The following UBE2G1 variants were observed in gnomAD, a reference collection of about 807,000 sequenced individuals.
UBE2G1 encodes ubiquitin-conjugating enzyme E2 G1.
In UBE2G1, 5 loss-of-function variants were observed where a neutral mutation model predicts 22.7. The observed-to-expected ratio is 0.22, with a 90% CI of 0.12 to 0.46. The LOEUF is 0.46. Among genes scored for constraint, UBE2G1 ranks in the 20% least tolerant of loss-of-function variants. The probability of loss-of-function intolerance (pLI) is 0.99; values close to 1 mark genes in which losing one functional copy is unlikely to be tolerated. For missense variants in UBE2G1, 88 were observed against 203.9 expected, an observed-to-expected ratio of 0.43 and a Z score of 3.46; for synonymous variants, 74 against 67.5, an observed-to-expected ratio of 1.10 and a Z score of -0.47.
intron 2 of UBE2G1, chr17:4,302,666 C>T: frequency 3.4e-6 from 1 of 292,556 alleles, no homozygotes; most frequent in South Asian, 4.1e-5. Flanking sequence ...TTCCACAAGA[C>T]AAAGGGAAGA....
At chr17:4,306,685 T>C (rs1422514246) in intron 2 of UBE2G1, among the ~76,000 whole-genome samples, 1 of 151,968 alleles carries the variant, frequency 6.6e-6, no homozygotes, top group Non-Finnish European at 1.5e-5. Context: ...GGAGTCTCAC[T>C]CTGTCACCCA....
intron 1 of UBE2G1, among the ~76,000 whole-genome samples, chr17:4,322,682 T>C (rs574163621): frequency 2.0e-5 from 3 of 151,962 alleles, no homozygotes; most frequent in Non-Finnish European, 4.4e-5. Flanking sequence ...AAAGAAAAAA[T>C]TGGAAGTAAT....
intron 1 of UBE2G1, among the ~76,000 whole-genome samples, chr17:4,348,907 G>A (rs551661326): frequency 1.3e-5 from 2 of 151,486 alleles, no homozygotes; most frequent in African/African-American, 4.8e-5. Flanking sequence ...ATAATAATAG[G>A]GCCGGGCACG....
intron 1 of UBE2G1, among the ~76,000 whole-genome samples, chr17:4,314,262 G>A (rs1426084928): frequency 6.6e-6 from 1 of 152,132 alleles, no homozygotes; most frequent in Non-Finnish European, 1.5e-5. Context: ...ACACATAGCA[G>A]ACAAAAAGGA....
At chr17:4,341,674 G>A (rs773909722) in intron 1 of UBE2G1, among the ~76,000 whole-genome samples, 2 of 152,094 alleles carry the variant, frequency 1.3e-5, no homozygotes, top group African/African-American at 4.8e-5. Context: ...ACAACTTTAA[G>A]AGTTGTCTTC....
intron 1 of UBE2G1, among the ~76,000 whole-genome samples, chr17:4,319,060 G>C (rs1255904324): frequency 6.6e-6 from 1 of 152,050 alleles, no homozygotes; most frequent in East Asian, 1.9e-4. Flanking sequence ...CTAATGAAAA[G>C]ATAAATAGTT....
At chr17:4,353,375 A>C (rs1037461176) in intron 1 of UBE2G1, among the ~76,000 whole-genome samples, 2 of 152,120 alleles carry the variant, frequency 1.3e-5, no homozygotes, top group Non-Finnish European at 2.9e-5. Flanking sequence ...GTGGTGAAGT[A>C]GCTATATTGT....
intron 2 of UBE2G1, chr17:4,302,321 CA>C: frequency 2.1e-6 from 1 of 474,418 alleles, no homozygotes; most frequent in East Asian, 5.5e-5. Context: ...TGGTTGCAGC[CA>C]CTCTTGTGTC....
intron 4 of UBE2G1, among the ~76,000 whole-genome samples, chr17:4,283,473 C>A (rs1968920087): frequency 6.6e-6 from 1 of 152,140 alleles, no homozygotes; most frequent in Non-Finnish European, 1.5e-5. Flanking sequence ...GCACTGCAGC[C>A]TGGACGACAG....
At chr17:4,295,965 TAC>T (rs1969105092) in intron 3 of UBE2G1, among the ~76,000 whole-genome samples, 1 of 147,244 alleles carries the variant, frequency 6.8e-6, no homozygotes, top group African/African-American at 2.5e-5. Context: ...AAAAATGTAA[TAC>T]GTTGTTTCAT....
In UBE2G1 at chr17:4,366,574, C is replaced by T. The variant is rs994036160; in HGVS notation, c.-258G>A. Reference sequence around the variant, plus strand: ...CCGCGGCGCGCACTGGGACTTCGCTCGCCCGCTTCCCTCCTTCAACCCGCC... The same window carrying T: ...CCGCGGCGCGCACTGGGACTTCGCTTGCCCGCTTCCCTCCTTCAACCCGCC... On this transcript the variant is annotated 5_prime_UTR_variant, in exon 1 of 6. Transcript: ENST00000396981. The T allele has an allele frequency of 1.3e-5, 5 of 383,980 alleles. No individual in the cohort carries two copies. Among genetic ancestry groups the T allele is most frequent in the South Asian group, 1.3e-4 (2 of 15,448 alleles). The allele number at this position is 383,980 out of a possible 1,614,324, so 23.8% of individuals were successfully genotyped here.
intron 1 of UBE2G1, among the ~76,000 whole-genome samples, chr17:4,363,950 CAAAAAAAAAA>C (rs1195720643): frequency 3.2e-4 from 14 of 43,906 alleles, no homozygotes; most frequent in African/African-American, 1.1e-3. Flanking sequence ...GACTCCGTCT[CAAAAAAAAAA>C]AAAAAAAAAA....
chr17:4,329,280 T>C (rs1969540352), intron 1 of UBE2G1, among the ~76,000 whole-genome samples: 1 of 151,716 alleles, frequency 6.6e-6, no homozygotes. Flanking sequence ...GTGCCTGTAG[T>C]CTCAGCTACT....
At chr17:4,311,421 C>T (rs1969308829) in intron 1 of UBE2G1, among the ~76,000 whole-genome samples, 1 of 152,052 alleles carries the variant, frequency 6.6e-6, no homozygotes, top group African/African-American at 2.4e-5. Flanking sequence ...TGTCCATCGA[C>T]AAATGAATAA....
chr17:4,296,585 C>G (rs1344602790), intron 3 of UBE2G1, 132 bp downstream of exon 3: 17 of 893,844 alleles, frequency 1.9e-5, no homozygotes, highest in Non-Finnish European at 2.9e-5. Context: ...AGTACACAGC[C>G]ATGTGCACAA....
At chr17:4,365,352 C>T (rs1428510879) in intron 1 of UBE2G1, among the ~76,000 whole-genome samples, 1 of 152,258 alleles carries the variant, frequency 6.6e-6, no homozygotes, top group Non-Finnish European at 1.5e-5. Context: ...GTCTCCACTG[C>T]GCATGCTCCG....
Position 4,280,096 on chromosome 17 carries a change from C to T in UBE2G1, c.*37+2702G>A, listed in dbSNP as rs188781156. ...TGTAGCCCAGGCTAGAGTGCAGTGGCGTGATCTCGGCTCATCGCAGCCTCC... is the reference window on the plus strand; with the variant it reads ...TGTAGCCCAGGCTAGAGTGCAGTGGTGTGATCTCGGCTCATCGCAGCCTCC... On this transcript the variant is annotated intron_variant, in intron 5 of 5. Transcript: ENST00000396981. 3.1e-3 allele frequency among the ~76,000 whole-genome samples: 457 copies of T among 147,270 alleles called. 3 individuals carry two copies. Among genetic ancestry groups the T allele is most frequent in the African/African-American group, 0.011 (426 of 39,508 alleles).
intron 2 of UBE2G1, among the ~76,000 whole-genome samples, chr17:4,297,905 T>C (rs992693963): frequency 2.0e-5 from 3 of 152,202 alleles, no homozygotes; most frequent in Admixed American, 2.0e-4. Context: ...AGAAATGAAA[T>C]TCTCAGCTCA....
intron 1 of UBE2G1, among the ~76,000 whole-genome samples, chr17:4,341,918 C>T (rs1178820349): frequency 6.6e-6 from 1 of 152,226 alleles, no homozygotes; most frequent in Non-Finnish European, 1.5e-5. Context: ...TGACGCCGCT[C>T]ACACTCCTTC....
Sources: allele counts gnomAD v4.1 joint callset (sites outside exome capture counted in the v4.1 genomes callset), GRCh38; gene constraint gnomAD v4.1.1; transcripts MANE v1.5; gene names NCBI Gene and HGNC (gene_info 2026-07-23, HGNC 2026-07-21).